FKBP8: variants seen among roughly 807,000 people sequenced by gnomAD.
FKBP8 encodes peptidyl-prolyl cis-trans isomerase FKBP8.
Under a neutral mutation model 41.7 loss-of-function variants are expected in FKBP8, and 5 were observed. The ratio of observed to expected loss-of-function variants is 0.12; its 90% CI spans 0.06 to 0.25. The LOEUF (loss-of-function observed/expected upper bound fraction) is 0.25, where lower values mean the gene tolerates loss of function less well. FKBP8 is among the 10% of genes least tolerant of loss of function. FKBP8 has a pLI of 1.00. For missense variants in FKBP8, 397 were observed against 563.0 expected, an observed-to-expected ratio of 0.71 and a Z score of 2.98; for synonymous variants, 279 against 254.5, an observed-to-expected ratio of 1.10 and a Z score of -0.92.
At position 18,538,528 on chromosome 19, in the gene FKBP8, C is replaced by A; in HGVS notation, c.552-92G>T. ...TAGGAAGGAGTGAGCTTGGCTCAAG[C>A]CCCCGATCTGTCTCCCCTCTGCCCT... On this transcript the variant is annotated intron_variant, in intron 4 of 8. Coordinates refer to ENST00000608443, the MANE Select transcript of FKBP8 (RefSeq NM_012181.5). The surrounding 1 kb of genome is among the most constrained non-coding windows in gnomAD (Gnocchi z 4.0). 1.9e-6 allele frequency: 2 copies of A among 1,061,718 alleles called. No homozygotes were observed. The highest frequency in any genetic ancestry group is 2.7e-6 in the Non-Finnish European group (2 of 739,426). 65.8% of individuals were successfully genotyped at this position (1,061,718 alleles called of 1,614,324 possible). A position where few individuals can be genotyped will look rare whatever the true frequency, so the allele number is the denominator to read the frequency against.
chr19:18,536,786 T>C (rs888820400), intron 6 of FKBP8, among the ~76,000 whole-genome samples: 2 of 152,234 alleles, frequency 1.3e-5, no homozygotes, highest in African/African-American at 4.8e-5. Context: ...AAGAGGCATG[T>C]CACCTCCACG....
intron 2 of FKBP8, among the ~76,000 whole-genome samples, chr19:18,541,016 T>C (rs1976686255): frequency 6.6e-6 from 1 of 152,206 alleles, no homozygotes; most frequent in Non-Finnish European, 1.5e-5. Context: ...TATCTTATTA[T>C]TTGCATGGGC....
chr19:18,535,615 T>C (rs889816907), intron 6 of FKBP8, among the ~76,000 whole-genome samples: 2 of 147,906 alleles, frequency 1.4e-5, no homozygotes, highest in African/African-American at 5.0e-5. Context: ...ATACTAAAAA[T>C]ACAAAAAAAG....
Position 18,531,971 on chromosome 19 carries a change from G to A in FKBP8, c.*198C>T, listed in dbSNP as rs1600526143. Reference sequence around the variant, plus strand: ...GGAAAACTGGGTCTGAAGGAATGAGGGCCCCCTCCCTCTGGGCTTTCCTCC... The same window carrying A: ...GGAAAACTGGGTCTGAAGGAATGAGAGCCCCCTCCCTCTGGGCTTTCCTCC... On this transcript the variant is annotated 3_prime_UTR_variant, in exon 9 of 9. Coordinates refer to ENST00000608443, the MANE Select transcript of FKBP8 (RefSeq NM_012181.5). 3.4e-6 allele frequency: 2 copies of A among 593,216 alleles called. No individual in the cohort carries two copies. Among genetic ancestry groups the A allele is most frequent in the Admixed American group, 2.9e-5 (1 of 34,008 alleles). The allele number at this position is 593,216 out of a possible 1,614,324, so 36.7% of individuals were successfully genotyped here. A position where few individuals can be genotyped will look rare whatever the true frequency, so the allele number is the denominator to read the frequency against.
In FKBP8 at chr19:18,532,850, C is replaced by T. The variant is rs768992016; in HGVS notation, c.1024-55G>A. On this transcript the variant is annotated intron_variant, in intron 7 of 8. Coordinates refer to ENST00000608443, the MANE Select transcript of FKBP8 (RefSeq NM_012181.5). Reference sequence around the variant, plus strand: ...GCAGCGGCCAACCTGTCATCACTGGCGCTCTGCCTTACTGGGACCCTAGGC... The same window carrying T: ...GCAGCGGCCAACCTGTCATCACTGGTGCTCTGCCTTACTGGGACCCTAGGC... The T allele has an allele frequency of 4.1e-5, 66 of 1,599,644 alleles. No individual in the cohort carries two copies. The East Asian group carries it at 8.9e-4, about 22-fold the overall frequency.
chr19:18,532,693 G>A lies in FKBP8; in HGVS notation c.1126C>T (p.Pro376Ser), dbSNP rs752805932. 1 of 1,614,010 alleles carries A rather than the reference G, an allele frequency of 6.2e-7. No homozygotes were observed. The highest frequency in any genetic ancestry group is 1.1e-5 in the South Asian group (1 of 91,080). Residue 376 changes from proline to serine, a missense_variant, in exon 8 of 9, where the codon CCT becomes TCT. By Grantham distance (74) the Pro-to-Ser change is moderately conservative. Coordinates refer to ENST00000608443, the MANE Select transcript of FKBP8 (RefSeq NM_012181.5). ...RKMLGNPSRLPAKCPGKGAWS... is the reference protein window; with the variant it reads ...RKMLGNPSRLSAKCPGKGAWS... ...GCACCCTTGCCAGGGCACTTAGCAG[G>A]CAGCCGGCTGGGGTTGCCCAGCATT...
chr19:18,539,294 G>A (rs1231859909), intron 4 of FKBP8, 77 bp downstream of exon 4: 1 of 1,299,612 alleles, frequency 7.7e-7, no homozygotes, highest in Non-Finnish European at 1.1e-6. Flanking sequence ...AAGTAGATGG[G>A]GTGAGCCGAG....
In FKBP8 at chr19:18,533,311, G is replaced by T. The variant is rs1976490767; in HGVS notation, c.982C>A (p.Pro328Thr). Reference sequence around the variant, plus strand: ...AGCTTCAGGGCTGCCCTCAGGATGGGGATGGCCTCACTGTACTCCCCCTGC... The same window carrying T: ...AGCTTCAGGGCTGCCCTCAGGATGGTGATGGCCTCACTGTACTCCCCCTGC... ...AQQGEYSEAI[P>T]ILRAALKLEP... Residue 328 changes from proline to threonine, a missense_variant, in exon 7 of 9, where the codon CCC becomes ACC. Transcript: ENST00000608443. 1 of 1,605,944 alleles carries T rather than the reference G, an allele frequency of 6.2e-7. No homozygotes were observed. Among genetic ancestry groups the T allele is most frequent in the Non-Finnish European group, 8.5e-7 (1 of 1,176,436 alleles).
rs138513933 is a variant in FKBP8 at position 18,537,066 on chromosome 19, C to T, written c.945+535G>A. Among the ~76,000 whole-genome samples, 129 of 152,134 alleles carry T rather than the reference C, an allele frequency of 8.5e-4. No homozygotes were observed. Among genetic ancestry groups the T allele is most frequent in the African/African-American group, 2.9e-3 (121 of 41,506 alleles). ...TTTCAACACTGGGCCAAGCCGGGCACGGTGGCTCAGGCCTGTAATCTCAGC... is the reference window on the plus strand; with the variant it reads ...TTTCAACACTGGGCCAAGCCGGGCATGGTGGCTCAGGCCTGTAATCTCAGC... On this transcript the variant is annotated intron_variant, in intron 6 of 8. Transcript: ENST00000608443. The surrounding 1 kb of genome is among the most constrained non-coding windows in gnomAD (Gnocchi z 4.4).
chr19:18,534,869 G>A (rs1976536808), intron 6 of FKBP8, among the ~76,000 whole-genome samples: 1 of 151,848 alleles, frequency 6.6e-6, no homozygotes. Context: ...CTCAATGCAA[G>A]CTCTGCCTCC....
Position 18,542,216 on chromosome 19 carries a change from T to A in FKBP8, c.-25-221A>T, listed in dbSNP as rs1976719181. 3 of 531,212 alleles carry A rather than the reference T, an allele frequency of 5.6e-6. No individual in the cohort carries two copies. The South Asian group carries it at 9.8e-5, about 17-fold the overall frequency. The allele number at this position is 531,212 out of a possible 1,614,324, so 32.9% of individuals were successfully genotyped here. On this transcript the variant is annotated intron_variant, in intron 1 of 8. Coordinates refer to ENST00000608443, the MANE Select transcript of FKBP8 (RefSeq NM_012181.5). ...CATCAGGCTCAAATAGTGTTAGCCA[T>A]TATTAGAGCTAATTATTATTTAATG...
chr19:18,532,300 A>C, intron 8 of FKBP8, 45 bp from the exon 9 acceptor site: 4 of 1,527,784 alleles, frequency 2.6e-6, no homozygotes, highest in Non-Finnish European at 3.6e-6. Context: ...GGAGGTCAAG[A>C]CTGGCCTCTG....
At chr19:18,542,087 TG>T in intron 1 of FKBP8, 92 bp from the exon 2 acceptor site, 1 of 1,473,876 alleles carries the variant, frequency 6.8e-7, no homozygotes, top group East Asian at 2.4e-5. Context: ...GATCACTTTC[TG>T]TGTAACTCAA....
intron 6 of FKBP8, among the ~76,000 whole-genome samples, chr19:18,534,269 T>A (rs992288316): frequency 1.3e-5 from 2 of 152,274 alleles, no homozygotes; most frequent in Non-Finnish European, 2.9e-5. Context: ...ATCACGCCAC[T>A]GCAGTCCAGC....
chr19:18,539,287 T>G (rs1260929775), intron 4 of FKBP8, 84 bp downstream of exon 4: 12 of 1,230,308 alleles, frequency 9.8e-6, no homozygotes, highest in Non-Finnish European at 1.3e-5. Flanking sequence ...AATGGGCAAG[T>G]AGATGGGGTG....
intron 1 of FKBP8, chr19:18,542,935 A>ACCC: frequency 1.2e-5 from 7 of 578,500 alleles, no homozygotes; most frequent in South Asian, 3.6e-5. Context: ...AGACCCTCCC[A>ACCC]GCCCCCACCC....
In FKBP8 at chr19:18,537,952, G is replaced by A. The variant is rs1600534689; in HGVS notation, c.773-179C>T. 4.2e-6 allele frequency: 3 copies of A among 714,990 alleles called. No homozygotes were observed. Among genetic ancestry groups the A allele is most frequent in the East Asian group, 5.5e-5 (2 of 36,564 alleles). 44.3% of individuals were successfully genotyped at this position (714,990 alleles called of 1,614,324 possible). A position where few individuals can be genotyped will look rare whatever the true frequency, so the allele number is the denominator to read the frequency against. On this transcript the variant is annotated intron_variant, in intron 5 of 8. Transcript: ENST00000608443. This position sits in a 1 kb window ranked among gnomAD's most constrained non-coding sequence, Gnocchi z 4.4. Reference sequence around the variant, plus strand: ...CTACAAGATGGAGACTTAAGCAAGCGAGGGCCTAGCCTGTGGTACATGTGA... The same window carrying A: ...CTACAAGATGGAGACTTAAGCAAGCAAGGGCCTAGCCTGTGGTACATGTGA...
At chr19:18,542,067 C>G (rs1389697535) in intron 1 of FKBP8, 72 bp from the exon 2 acceptor site, 2 of 1,509,508 alleles carry the variant, frequency 1.3e-6, no homozygotes, top group Non-Finnish European at 1.8e-6. Flanking sequence ...TACTGATTCC[C>G]CACACTGCCG....
chr19:18,535,363 G>C (rs1260943446), intron 6 of FKBP8, among the ~76,000 whole-genome samples: 2 of 152,138 alleles, frequency 1.3e-5, no homozygotes, highest in Admixed American at 6.5e-5. Flanking sequence ...ACCTGGCCCT[G>C]ATGTTTCCAA....
Sources: allele counts gnomAD v4.1 joint callset (sites outside exome capture counted in the v4.1 genomes callset), GRCh38; gene constraint gnomAD v4.1.1; non-coding constraint Gnocchi (gnomAD v3.1); transcripts MANE v1.5; gene names NCBI Gene and HGNC (gene_info 2026-07-23, HGNC 2026-07-21).